TMEM132C: variants seen among roughly 807,000 people sequenced by gnomAD.
The protein encoded by TMEM132C is transmembrane protein 132C, also known as protein phosphatase 1, regulatory subunit 152.
Under a neutral mutation model 61.4 loss-of-function variants are expected in TMEM132C, and 29 were observed. The ratio of observed to expected loss-of-function variants is 0.47; its 90% confidence interval spans 0.35 to 0.64. The LOEUF is 0.64. TMEM132C is among the 30% of genes least tolerant of loss of function. The pLI is 0.00. For missense variants in TMEM132C, 1,408 were observed against 1,476.9 expected, an observed-to-expected ratio of 0.95 and a Z score of 0.76; for synonymous variants, 656 against 633.1, an observed-to-expected ratio of 1.04 and a Z score of -0.54.
intron 3 of TMEM132C, among the ~76,000 whole-genome samples, chr12:128,607,597 T>A (rs548313095): frequency 1.3e-5 from 2 of 152,148 alleles, no homozygotes; most frequent in Non-Finnish European, 2.9e-5. Flanking sequence ...GTTCGGGATA[T>A]GTTTTCAAGA....
chr12:128,298,716 A>C (rs549362025), intron 1 of TMEM132C, among the ~76,000 whole-genome samples: 80 of 152,348 alleles, frequency 5.3e-4, no homozygotes, highest in Admixed American at 9.1e-4. Context: ...CGAACTTTGC[A>C]GATGAGGCTG....
At chr12:128,423,322 G>A (rs1469845309) in intron 2 of TMEM132C, among the ~76,000 whole-genome samples, 1 of 152,100 alleles carries the variant, frequency 6.6e-6, no homozygotes, top group Non-Finnish European at 1.5e-5. Flanking sequence ...GCTTTGACTG[G>A]TGGATGAGGC....
At chr12:128,325,620 T>G (rs1406297221) in intron 1 of TMEM132C, among the ~76,000 whole-genome samples, 1 of 152,210 alleles carries the variant, frequency 6.6e-6, no homozygotes, top group African/African-American at 2.4e-5. Context: ...CTGTGAAGTT[T>G]TTCAGTGTCT....
intron 2 of TMEM132C, among the ~76,000 whole-genome samples, chr12:128,483,345 G>T (rs1009762994): frequency 2.7e-5 from 4 of 150,762 alleles, no homozygotes; most frequent in African/African-American, 7.3e-5. Flanking sequence ...GAAGAAGCTT[G>T]CTCAAGAGGC....
At chr12:128,514,093 A>G (rs1004742287) in intron 2 of TMEM132C, among the ~76,000 whole-genome samples, 3 of 152,222 alleles carry the variant, frequency 2.0e-5, no homozygotes, top group Admixed American at 2.0e-4. Flanking sequence ...CAGCTCCCCG[A>G]GGAATCAAAT....
chr12:128,533,148 G>A (rs1873380019), intron 2 of TMEM132C, among the ~76,000 whole-genome samples: 1 of 152,184 alleles, frequency 6.6e-6, no homozygotes, highest in African/African-American at 2.4e-5. Flanking sequence ...TGCAGAAGCT[G>A]TTATGTACAT....
At chr12:128,595,224 C>T (rs188872153) in intron 3 of TMEM132C, among the ~76,000 whole-genome samples, 6 of 152,312 alleles carry the variant, frequency 3.9e-5, no homozygotes, top group Admixed American at 6.5e-5. Context: ...TTGTTCACAG[C>T]GTCTGCCTGC....
chr12:128,487,019 C>G (rs966592385), intron 2 of TMEM132C, among the ~76,000 whole-genome samples: 1 of 152,184 alleles, frequency 6.6e-6, no homozygotes. Context: ...CTACTCTGTT[C>G]TAGAAACTTA....
chr12:128,628,099 C>A (rs1257625960), intron 4 of TMEM132C, among the ~76,000 whole-genome samples: 1 of 152,136 alleles, frequency 6.6e-6, no homozygotes, highest in African/African-American at 2.4e-5. Context: ...AGCAGTCTCC[C>A]CCCACCTCAC....
chr12:128,526,804 G>A (rs1335335552), intron 2 of TMEM132C, among the ~76,000 whole-genome samples: 1 of 152,162 alleles, frequency 6.6e-6, no homozygotes, highest in Non-Finnish European at 1.5e-5. Flanking sequence ...GGAACAGTGA[G>A]AACAAGGCTC....
At chr12:128,585,027 A>G (rs142229782) in intron 3 of TMEM132C, among the ~76,000 whole-genome samples, 84 of 152,322 alleles carry the variant, frequency 5.5e-4, no homozygotes, top group African/African-American at 1.9e-3. Context: ...ACAGTTAGGA[A>G]AGGCTTGAGT....
chr12:128,494,743 T>G (rs1401384501), intron 2 of TMEM132C, among the ~76,000 whole-genome samples: 1 of 152,108 alleles, frequency 6.6e-6, no homozygotes, highest in Non-Finnish European at 1.5e-5. Flanking sequence ...TCTCTTTTCT[T>G]CATTAGTCTT....
intron 1 of TMEM132C, among the ~76,000 whole-genome samples, chr12:128,334,353 G>A (rs894256107): frequency 3.9e-5 from 6 of 152,146 alleles, no homozygotes; most frequent in African/African-American, 1.4e-4. Flanking sequence ...AGCCTTGGCA[G>A]AGGAGCCAGC....
intron 1 of TMEM132C, among the ~76,000 whole-genome samples, chr12:128,366,680 C>T (rs976118582): frequency 3.9e-5 from 6 of 152,188 alleles, no homozygotes; most frequent in Non-Finnish European, 7.3e-5. Flanking sequence ...GTGGTCAAGC[C>T]AGTTCCTCCT....
chr12:128,362,001 G>A (rs1472833733), intron 1 of TMEM132C, among the ~76,000 whole-genome samples: 2 of 152,122 alleles, frequency 1.3e-5, no homozygotes, highest in Non-Finnish European at 2.9e-5. Context: ...GAACAAGCAG[G>A]TTGGGGGACT....
chr12:128,622,360 AATATATATATATATATATATATATAT>A lies in TMEM132C; in HGVS notation c.1305+6041_1305+6066del, dbSNP rs767066742. On this transcript the variant is annotated intron_variant, in intron 4 of 8. Coordinates refer to ENST00000435159, the MANE Select transcript of TMEM132C (RefSeq NM_001136103.3). ...CTTTGTCTCAAAAAAAAAAAAAAAAAATATATATATATATATATATATATATATATATATATATATAACCAGGAAAC... is the reference window on the plus strand; with the variant it reads ...CTTTGTCTCAAAAAAAAAAAAAAAAAATATATATATATATAACCAGGAAAC... Among the ~76,000 whole-genome samples, 18 of 30,130 alleles carry A rather than the reference AATATATATATATATATATATATATAT, an allele frequency of 6.0e-4. 1 individual carries two copies. The highest frequency in any genetic ancestry group is 2.6e-3 in the African/African-American group (16 of 6,072). 19.8% of individuals were successfully genotyped at this position (30,130 alleles called of 152,430 possible).
At chr12:128,291,184 C>G (rs931478170) in intron 1 of TMEM132C, among the ~76,000 whole-genome samples, 1 of 152,224 alleles carries the variant, frequency 6.6e-6, no homozygotes, top group East Asian at 1.9e-4. Context: ...TCCCAGAATT[C>G]CCCTGCAAGT....
chr12:128,643,218 T>A (rs761203757), intron 4 of TMEM132C, among the ~76,000 whole-genome samples: 3 of 152,174 alleles, frequency 2.0e-5, no homozygotes, highest in Non-Finnish European at 2.9e-5. Context: ...TTACCGCTTG[T>A]GCTTCTCAAA....
chr12:128,655,272 C>T (rs1411632644), intron 4 of TMEM132C, among the ~76,000 whole-genome samples: 2 of 152,148 alleles, frequency 1.3e-5, no homozygotes, highest in South Asian at 2.1e-4. Context: ...GCGGCACAGC[C>T]GGGGTCTGCA....
Sources: allele counts gnomAD v4.1 joint callset (sites outside exome capture counted in the v4.1 genomes callset), GRCh38; gene constraint gnomAD v4.1.1; transcripts MANE v1.5; gene names NCBI Gene and HGNC (gene_info 2026-07-23, HGNC 2026-07-21).